NRXN1: variants seen among roughly 807,000 people sequenced by gnomAD.
NRXN1 encodes the protein neurexin-1.
NRXN1 carries 39 observed loss-of-function variants against 150.9 expected under a neutral mutation model. The observed-to-expected ratio is 0.26, with a 90% CI of 0.20 to 0.34. The LOEUF (loss-of-function observed/expected upper bound fraction) is 0.34, where lower values mean the gene tolerates loss of function less well. Among genes scored for constraint, NRXN1 ranks in the 10% least tolerant of loss-of-function variants. The pLI is 1.00. For synonymous variants in NRXN1, 924 were observed against 757.0 expected (o/e 1.22, Z -3.62); for missense variants, 1,815 against 1,949.9 (o/e 0.93, Z 1.30).
At chr2:50,244,652 T>C (rs1216264122) in intron 17 of NRXN1, among the ~76,000 whole-genome samples, 1 of 151,830 alleles carries the variant, frequency 6.6e-6, no homozygotes, top group Non-Finnish European at 1.5e-5. Context: ...TAGGGCAAAA[T>C]AGTTTGTGTG....
chr2:50,136,205 T>C (rs1306503626), intron 18 of NRXN1, among the ~76,000 whole-genome samples: 1 of 152,208 alleles, frequency 6.6e-6, no homozygotes, highest in Non-Finnish European at 1.5e-5. Flanking sequence ...GGAGAGCATA[T>C]TCATTTTTTT....
At chr2:49,989,678 G>T (rs1031595290) in intron 21 of NRXN1, among the ~76,000 whole-genome samples, 2 of 152,138 alleles carry the variant, frequency 1.3e-5, no homozygotes. Flanking sequence ...ACTTTGTTCT[G>T]TACTGGATGC....
chr2:50,009,612 A>G (rs1436289196), intron 21 of NRXN1, among the ~76,000 whole-genome samples: 1 of 152,160 alleles, frequency 6.6e-6, no homozygotes, highest in East Asian at 1.9e-4. Flanking sequence ...TACAATTAGC[A>G]TATTTACTAA....
At chr2:50,126,173 C>T (rs1704557829) in intron 18 of NRXN1, among the ~76,000 whole-genome samples, 2 of 152,086 alleles carry the variant, frequency 1.3e-5, no homozygotes, top group Admixed American at 6.6e-5. Context: ...AATTTTAATA[C>T]AGAAATTGAG....
chr2:50,299,973 G>T (rs917763407), intron 17 of NRXN1, among the ~76,000 whole-genome samples: 2 of 152,128 alleles, frequency 1.3e-5, no homozygotes, highest in Admixed American at 6.5e-5. Context: ...ATGATTTCTA[G>T]AACAGAGCCT....
At chr2:50,843,630 T>C (rs967110845) in intron 5 of NRXN1, among the ~76,000 whole-genome samples, 1 of 152,198 alleles carries the variant, frequency 6.6e-6, no homozygotes. Flanking sequence ...CAGTGAGAAC[T>C]GAAACTACCT....
chr2:49,971,075 G>A (rs72834718), intron 21 of NRXN1, among the ~76,000 whole-genome samples: 5,042 of 152,200 alleles, frequency 0.033, 113 homozygotes, highest in Non-Finnish European at 0.051. Flanking sequence ...AATGGGCAGA[G>A]TATAAGTTCT....
At chr2:50,658,234 G>A (rs576407530) in intron 5 of NRXN1, among the ~76,000 whole-genome samples, 56 of 151,884 alleles carry the variant, frequency 3.7e-4, no homozygotes, top group Non-Finnish European at 6.2e-4. Context: ...TTGTCCATCT[G>A]ATACACCCTC....
At chr2:50,779,336 G>A (rs1400676783) in intron 5 of NRXN1, among the ~76,000 whole-genome samples, 2 of 152,114 alleles carry the variant, frequency 1.3e-5, no homozygotes, top group African/African-American at 4.8e-5. Context: ...CCATGTCCCT[G>A]CAAAATACAT....
chr2:50,239,987 A>C (rs1393444787), intron 17 of NRXN1, among the ~76,000 whole-genome samples: 2 of 151,350 alleles, frequency 1.3e-5, no homozygotes, highest in Non-Finnish European at 3.0e-5. Flanking sequence ...GGAACTATGA[A>C]AGTTTCTAGC....
intron 7 of NRXN1, 56 bp from the exon 8 acceptor site, chr2:50,620,239 T>G (rs1284161100): frequency 6.5e-7 from 1 of 1,528,012 alleles, no homozygotes; most frequent in Non-Finnish European, 8.9e-7. Flanking sequence ...GATACTGTAA[T>G]CCTGGGATAT....
intron 18 of NRXN1, among the ~76,000 whole-genome samples, chr2:50,190,909 G>C (rs755981189): frequency 6.6e-6 from 1 of 151,822 alleles, no homozygotes; most frequent in Non-Finnish European, 1.5e-5. Flanking sequence ...CACCACACCC[G>C]GCCTACACCT....
chr2:50,019,094 TCCAAAACATTA>T (rs146211469), intron 21 of NRXN1: 46,750 of 394,136 alleles, frequency 0.12, 2,984 homozygotes, highest in Middle Eastern at 0.21. Flanking sequence ...TGCAAATCCT[TCCAAAACATTA>T]CCTCATCTGT....
chr2:50,495,286 T>C (rs1239366457), intron 15 of NRXN1, among the ~76,000 whole-genome samples: 1 of 151,932 alleles, frequency 6.6e-6, no homozygotes, highest in African/African-American at 2.4e-5. Context: ...AAATGAAGTA[T>C]CAATAAGGAA....
chr2:50,261,853 T>A (rs2068322509), intron 17 of NRXN1, among the ~76,000 whole-genome samples: 1 of 151,944 alleles, frequency 6.6e-6, no homozygotes, highest in Non-Finnish European at 1.5e-5. Flanking sequence ...CAACCTTGAA[T>A]CAGGAAACTA....
rs534830332 is a variant in NRXN1, at chr2:50,145,966, G to GAA, written c.3547-54474_3547-54473dup. 4.2e-4 allele frequency among the ~76,000 whole-genome samples: 63 copies of GAA among 148,414 alleles called. 1 individual carries two copies. Among genetic ancestry groups the GAA allele is most frequent in the Non-Finnish European group, 8.1e-4 (54 of 66,698 alleles). ...GTAGTCTAGGGATGACAAATAGCCA[G>GAA]AAAAAAAAAATTCATTAGTTTCCCC... On this transcript the variant is annotated intron_variant, in intron 18 of 22. Coordinates refer to ENST00000401669, the MANE Select transcript of NRXN1 (RefSeq NM_001330078.2).
At position 50,497,644 on chromosome 2, in the gene NRXN1, C is replaced by T. The variant is rs372107588; in HGVS notation, c.2568G>A (p.Arg856=). ...NIETGIITER[R]YLSSVPSNFI... ...AGTTGGAGGGGACAGAAGAAAGATA[C>T]CGTCGTTCTGTGATGATGCCAGTCT... The change falls in exon 14 of 23, where the codon CGG becomes CGA. Residue 856 remains arginine (R), a synonymous_variant. Transcript: ENST00000401669. 2.1e-5 allele frequency: 34 copies of T among 1,613,676 alleles called. No homozygotes were observed. Among genetic ancestry groups the T allele is most frequent in the Admixed American group, 6.7e-5 (4 of 59,998 alleles).
At chr2:50,384,518 A>AAAT (rs762490978) in intron 17 of NRXN1, among the ~76,000 whole-genome samples, 21 of 111,488 alleles carry the variant, frequency 1.9e-4, no homozygotes, top group East Asian at 1.9e-3. Context: ...AAAAAAAAAA[A>AAAT]AAAAAAAAAA....
chr2:50,548,128 T>G (rs545458660), intron 9 of NRXN1: 2 of 152,286 alleles, frequency 1.3e-5, no homozygotes, highest in Admixed American at 1.3e-4. Flanking sequence ...CCTAGGTTCT[T>G]GTCAAGAGCA....
Sources: gnomAD v4.1 joint callset for allele counts (sites outside exome capture counted in the v4.1 genomes callset) on GRCh38, gnomAD v4.1.1 for gene constraint, MANE v1.5 for transcripts, NCBI Gene and HGNC (gene_info 2026-07-23, HGNC 2026-07-21) for gene names.